LPAR1: variants seen among roughly 807,000 people sequenced by gnomAD.
LPAR1 encodes the protein lysophosphatidic acid receptor 1.
A neutral mutation model predicts 23.8 loss-of-function variants in LPAR1; 5 were observed. That is an observed-to-expected ratio of 0.21 (90% CI 0.11 to 0.44). The LOEUF (loss-of-function observed/expected upper bound fraction) is 0.44, where lower values mean the gene tolerates loss of function less well. LPAR1 is among the 20% of genes least tolerant of loss of function. LPAR1 has a pLI of 0.99. For synonymous variants in LPAR1, 160 were observed against 164.7 expected (o/e 0.97, Z 0.22); for missense variants, 311 against 482.8 (o/e 0.64, Z 3.33).
intron 2 of LPAR1, among the ~76,000 whole-genome samples, chr9:111,023,134 C>A (rs1446073551): frequency 6.6e-6 from 1 of 151,052 alleles, no homozygotes; most frequent in Non-Finnish European, 1.5e-5. Context: ...TCAACAAACA[C>A]CAACACCCAT....
At chr9:110,983,605 T>C (rs2096719135) in intron 2 of LPAR1, among the ~76,000 whole-genome samples, 1 of 152,066 alleles carries the variant, frequency 6.6e-6, no homozygotes, top group African/African-American at 2.4e-5. Context: ...TTAACACTAC[T>C]GAACTGTACA....
intron 5 of LPAR1, among the ~76,000 whole-genome samples, chr9:110,892,776 GGAAGGAA>G (rs2084758353): frequency 2.5e-5 from 1 of 40,816 alleles, no homozygotes; most frequent in African/African-American, 8.9e-5. Context: ...AGGGAAGGAA[GGAAGGAA>G]GGAAGGAAGG....
intron 5 of LPAR1, among the ~76,000 whole-genome samples, chr9:110,906,154 C>T (rs376432761): frequency 4.6e-5 from 7 of 151,272 alleles, no homozygotes; most frequent in African/African-American, 1.4e-4. Context: ...ATAGATGTTA[C>T]CTCTAAAGCC....
intron 2 of LPAR1, among the ~76,000 whole-genome samples, chr9:111,006,217 CAAA>C (rs938329882): frequency 6.6e-6 from 1 of 152,144 alleles, no homozygotes; most frequent in African/African-American, 2.4e-5. Flanking sequence ...TGCATGCATG[CAAA>C]AGGCTGTACA....
At chr9:111,032,040 G>C (rs936017456) in intron 2 of LPAR1, among the ~76,000 whole-genome samples, 13 of 152,180 alleles carry the variant, frequency 8.5e-5, no homozygotes, top group African/African-American at 2.4e-4. Flanking sequence ...CTTGTTTCCT[G>C]CAGTGCTATC....
At chr9:110,918,510 T>C (rs2093376133) in intron 5 of LPAR1, among the ~76,000 whole-genome samples, 1 of 152,156 alleles carries the variant, frequency 6.6e-6, no homozygotes, top group Non-Finnish European at 1.5e-5. Context: ...ATCATGATTA[T>C]GTGTTTCCAT....
intron 3 of LPAR1, among the ~76,000 whole-genome samples, chr9:110,973,054 G>C (rs1728658117): frequency 6.6e-6 from 1 of 152,190 alleles, no homozygotes; most frequent in African/African-American, 2.4e-5. Context: ...ACACAGTGTG[G>C]AATCGCAGGA....
Position 110,947,398 on chromosome 9 carries a change from C to A in LPAR1, c.46-5230G>T, listed in dbSNP as rs112406527. 8.4e-3 allele frequency among the ~76,000 whole-genome samples: 1,284 copies of A among 152,282 alleles called. 15 individuals are homozygous for A. The highest frequency in any genetic ancestry group is 0.029 in the African/African-American group (1,212 of 41,560). Reference sequence around the variant, plus strand: ...GAAAAGAGAAGTTCATATTCATGCCCTTTTCTCACCCATCAATTATTTTGT... The same window carrying A: ...GAAAAGAGAAGTTCATATTCATGCCATTTTCTCACCCATCAATTATTTTGT... On this transcript the variant is annotated intron_variant, in intron 4 of 5. Coordinates refer to ENST00000683809, the MANE Select transcript of LPAR1 (RefSeq NM_001351411.2).
At chr9:110,979,508 C>T (rs2096625434) in intron 2 of LPAR1, among the ~76,000 whole-genome samples, 1 of 152,044 alleles carries the variant, frequency 6.6e-6, no homozygotes, top group Non-Finnish European at 1.5e-5. Context: ...CCTACCTGCC[C>T]ATTTCATTTG....
chr9:110,875,781 T>C, intron 5 of LPAR1, 59 bp from the exon 6 acceptor site: 2 of 939,292 alleles, frequency 2.1e-6, no homozygotes, highest in Non-Finnish European at 3.1e-6. Context: ...AAAAATATTA[T>C]AAAACATGCG....
At chr9:110,958,724 T>A (rs2095844333) in intron 4 of LPAR1, among the ~76,000 whole-genome samples, 1 of 152,094 alleles carries the variant, frequency 6.6e-6, no homozygotes, top group Non-Finnish European at 1.5e-5. Context: ...GGGACTATTT[T>A]AAACTAAATG....
chr9:110,928,837 C>T (rs1233659357), intron 5 of LPAR1, among the ~76,000 whole-genome samples: 2 of 152,230 alleles, frequency 1.3e-5, no homozygotes, highest in African/African-American at 4.8e-5. Context: ...GGACTGTTCA[C>T]TTCATCCATC....
chr9:110,993,714 C>T (rs2096940663), intron 2 of LPAR1, among the ~76,000 whole-genome samples: 2 of 152,182 alleles, frequency 1.3e-5, no homozygotes, highest in Admixed American at 1.3e-4. Context: ...CTAACACTTA[C>T]ATCTTCGTCT....
chr9:110,941,990 T>A lies in LPAR1; in HGVS notation c.224A>T (p.Tyr75Phe). 1 of 1,614,164 alleles carries A rather than the reference T, an allele frequency of 6.2e-7. No homozygotes were observed. The highest frequency in any genetic ancestry group is 1.7e-4 in the Middle Eastern group (1 of 6,060). Residue 75 changes from tyrosine to phenylalanine, a missense_variant, in exon 5 of 6, where the codon TAT (tyrosine) becomes TTT (phenylalanine). Around this residue, in one of 2 missense-constraint regions of LPAR1, gnomAD observed 250 missense variants for 427.2 expected, o/e 0.59. Transcript: ENST00000683809. This position sits in a 1 kb window ranked among gnomAD's most constrained non-coding sequence, Gnocchi z 6.1. Reference protein sequence around the residue: ...LANLLVMVAIYVNRRFHFPIY... With the variant: ...LANLLVMVAIFVNRRFHFPIY... ...AGGAAAATGGAAGCGGCGGTTGACATAGATTGCCACCATGACCAATAGGTT... is the reference window on the plus strand; with the variant it reads ...AGGAAAATGGAAGCGGCGGTTGACAAAGATTGCCACCATGACCAATAGGTT...
chr9:110,942,358 T>C (rs1295113996), intron 4 of LPAR1, among the ~76,000 whole-genome samples, 190 bp from the exon 5 acceptor site: 2 of 152,224 alleles, frequency 1.3e-5, no homozygotes, highest in East Asian at 1.9e-4. Context: ...TTACTGTCCT[T>C]AAGATTAAAG....
chr9:110,888,315 T>C (rs1328604887), intron 5 of LPAR1, among the ~76,000 whole-genome samples: 3 of 152,264 alleles, frequency 2.0e-5, no homozygotes, highest in African/African-American at 7.2e-5. Flanking sequence ...TCCTCCAGAA[T>C]AGAGTCAGAA....
At chr9:111,004,166 G>T (rs999468877) in intron 2 of LPAR1, among the ~76,000 whole-genome samples, 6 of 152,092 alleles carry the variant, frequency 3.9e-5, no homozygotes, top group Admixed American at 1.3e-4. Flanking sequence ...CACCAATTTT[G>T]GCTAACAATG....
intron 4 of LPAR1, among the ~76,000 whole-genome samples, chr9:110,960,409 C>G (rs1479874878): frequency 1.3e-5 from 2 of 152,128 alleles, no homozygotes; most frequent in African/African-American, 4.8e-5. Flanking sequence ...TTCACAAGCA[C>G]ATGCAGAGAG....
intron 2 of LPAR1, among the ~76,000 whole-genome samples, chr9:111,017,103 C>T (rs1391056211): frequency 6.6e-6 from 1 of 152,292 alleles, no homozygotes; most frequent in African/African-American, 2.4e-5. Flanking sequence ...GGTAACACAG[C>T]TCATTGAGTC....
Sources: gnomAD v4.1 joint callset for allele counts (sites outside exome capture counted in the v4.1 genomes callset) on GRCh38, gnomAD v4.1.1 for gene constraint, gnomAD v4.1.1 regional missense constraint, Gnocchi (gnomAD v3.1) non-coding constraint, MANE v1.5 for transcripts, NCBI Gene and HGNC (gene_info 2026-07-23, HGNC 2026-07-21) for gene names.